CHODL: variants seen among roughly 807,000 people sequenced by gnomAD.
CHODL encodes the protein transmembrane protein MT75.
CHODL carries 29 observed loss-of-function variants against 34.5 expected under a neutral mutation model. The ratio of observed to expected loss-of-function variants is 0.84; its 90% CI spans 0.63 to 1.15. CHODL has a LOEUF of 1.15. Among genes scored for constraint, CHODL ranks in the 50% most tolerant of loss-of-function variants. The pLI, the probability that CHODL is intolerant of heterozygous loss-of-function variation, is 0.00. For synonymous variants in CHODL, 125 were observed against 116.1 expected (o/e 1.08, Z -0.49); for missense variants, 332 against 332.5 (o/e 1.00, Z 0.01).
At chr21:18,077,242 T>C (rs2064877537) in intron 2 of CHODL, among the ~76,000 whole-genome samples, 1 of 152,208 alleles carries the variant, frequency 6.6e-6, no homozygotes, top group East Asian at 1.9e-4. Flanking sequence ...CACACCATTG[T>C]TTCTTGGAAA....
At chr21:17,981,889 A>G (rs1806541945) in intron 1 of CHODL, among the ~76,000 whole-genome samples, 1 of 152,246 alleles carries the variant, frequency 6.6e-6, no homozygotes, top group Admixed American at 6.5e-5. Flanking sequence ...AAAGAAGACA[A>G]ATGAAAATGT....
At chr21:18,173,034 C>T (rs1170783092) in intron 2 of CHODL, among the ~76,000 whole-genome samples, 1 of 152,174 alleles carries the variant, frequency 6.6e-6, no homozygotes. Flanking sequence ...ACGCTATAGG[C>T]AGTTAAGAAC....
rs148006177 is a variant in CHODL at position 17,997,378 on chromosome 21, T to A, written c.-144-30494T>A. ...GTGTGTTTCTGATTCCTCCAGGGAC[T>A]TGCCAAAGATGGGAGCAAGAAAGGC... On this transcript the variant is annotated intron_variant, in intron 1 of 6. Transcript: ENST00000400127. Among the ~76,000 whole-genome samples the A allele has an allele frequency of 5.5e-3, 843 of 152,334 alleles. 8 individuals carry two copies. The highest frequency in any genetic ancestry group is 0.013 in the African/African-American group (555 of 41,582).
intron 2 of CHODL, among the ~76,000 whole-genome samples, chr21:18,201,894 T>C (rs1255642666): frequency 7.0e-6 from 1 of 142,382 alleles, no homozygotes; most frequent in African/African-American, 2.6e-5. Flanking sequence ...AAGCTCCGCC[T>C]CCCGGGTTCC....
intron 2 of CHODL, among the ~76,000 whole-genome samples, chr21:18,090,117 A>G (rs1483593242): frequency 6.6e-6 from 1 of 152,270 alleles, no homozygotes; most frequent in Non-Finnish European, 1.5e-5. Context: ...CAACTCTTGT[A>G]TGCTTAGACA....
chr21:18,248,696 T>C (rs868294124), intron 1 of CHODL, among the ~76,000 whole-genome samples: 1 of 115,988 alleles, frequency 8.6e-6, no homozygotes, highest in African/African-American at 4.2e-5. Context: ...ATTATATACA[T>C]ATATATGTAT....
intron 1 of CHODL, among the ~76,000 whole-genome samples, chr21:18,011,915 C>T (rs1600893134): frequency 6.6e-6 from 1 of 152,296 alleles, no homozygotes; most frequent in South Asian, 2.1e-4. Context: ...TTTCCTGTTT[C>T]TTTTTCAGAG....
At chr21:18,140,725 T>G (rs2072790491) in intron 2 of CHODL, among the ~76,000 whole-genome samples, 2 of 152,054 alleles carry the variant, frequency 1.3e-5, no homozygotes, top group South Asian at 4.1e-4. Context: ...AAGTTGATAA[T>G]GGTGGTGGTA....
At chr21:18,181,069 T>C (rs1249774249) in intron 2 of CHODL, among the ~76,000 whole-genome samples, 1 of 152,202 alleles carries the variant, frequency 6.6e-6, no homozygotes, top group African/African-American at 2.4e-5. Flanking sequence ...GGCATTTAAA[T>C]AGTACTTAGA....
At chr21:18,003,000 G>A (rs1241373351) in intron 1 of CHODL, among the ~76,000 whole-genome samples, 1 of 152,048 alleles carries the variant, frequency 6.6e-6, no homozygotes, top group African/African-American at 2.4e-5. Context: ...GCGGGCGCCT[G>A]TAGTCCCAGC....
At chr21:17,963,010 G>A (rs1056246446) in intron 1 of CHODL, among the ~76,000 whole-genome samples, 8 of 151,554 alleles carry the variant, frequency 5.3e-5, no homozygotes, top group African/African-American at 1.7e-4. Flanking sequence ...CTTGCAGTGA[G>A]CTGAGATCGC....
intron 2 of CHODL, among the ~76,000 whole-genome samples, chr21:18,061,541 T>TA (rs1219915910): frequency 7.8e-6 from 1 of 127,536 alleles, no homozygotes. Flanking sequence ...CCTTTACAAA[T>TA]AATGTCTCAA....
At chr21:18,202,436 T>C (rs1396164532) in intron 2 of CHODL, among the ~76,000 whole-genome samples, 1 of 152,124 alleles carries the variant, frequency 6.6e-6, no homozygotes, top group Non-Finnish European at 1.5e-5. Flanking sequence ...ACCAGGAAGC[T>C]CTCACCCCTT....
upstream of CHODL, among the ~76,000 whole-genome samples, chr21:18,242,428 A>G (rs1053205137): frequency 6.6e-6 from 1 of 150,506 alleles, no homozygotes; most frequent in African/African-American, 2.5e-5. Context: ...TCCATATTGT[A>G]TGGGAAAAAA....
intron 2 of CHODL, among the ~76,000 whole-genome samples, chr21:18,085,854 T>A (rs890326830): frequency 6.6e-6 from 1 of 152,114 alleles, no homozygotes; most frequent in Non-Finnish European, 1.5e-5. Flanking sequence ...TAGAATATAT[T>A]TGACTGGGGA....
upstream of CHODL, among the ~76,000 whole-genome samples, chr21:18,241,856 G>A (rs556813520): frequency 2.5e-4 from 38 of 152,244 alleles, no homozygotes; most frequent in South Asian, 2.3e-3. Context: ...TTCAGCGATC[G>A]ACTTATTCCT....
At chr21:17,984,564 T>A (rs1167191205) in intron 1 of CHODL, among the ~76,000 whole-genome samples, 2 of 152,172 alleles carry the variant, frequency 1.3e-5, no homozygotes, top group Non-Finnish European at 2.9e-5. Context: ...TGACTTTTTT[T>A]AATTAAAATA....
chr21:17,923,301 C>T (rs943309225), intron 1 of CHODL, among the ~76,000 whole-genome samples: 21 of 151,478 alleles, frequency 1.4e-4, no homozygotes, highest in African/African-American at 4.9e-4. Context: ...CCAAAGTCTG[C>T]ATTATCACCA....
Position 18,131,422 on chromosome 21 carries a change from C to A in CHODL, c.-45+103451C>A, listed in dbSNP as rs145770032. 3.4e-3 allele frequency among the ~76,000 whole-genome samples: 521 copies of A among 152,270 alleles called. 6 individuals carry two copies. Among genetic ancestry groups the A allele is most frequent in the South Asian group, 0.014 (67 of 4,824 alleles). ...CATTTCAATGTAAATCTATTCTCATCACTTTGGTATACATTTCAATTTACG... is the reference window on the plus strand; with the variant it reads ...CATTTCAATGTAAATCTATTCTCATAACTTTGGTATACATTTCAATTTACG... On this transcript the variant is annotated intron_variant, in intron 2 of 6. Transcript: ENST00000400127.
Sources: allele counts gnomAD v4.1 joint callset (sites outside exome capture counted in the v4.1 genomes callset), GRCh38; gene constraint gnomAD v4.1.1; transcripts MANE v1.5; gene names NCBI Gene and HGNC (gene_info 2026-07-23, HGNC 2026-07-21).